Variants in ZNF226 observed in about 807,000 individuals in gnomAD.
ZNF226 encodes the protein Kruppel-associated box protein.
In ZNF226, 6 loss-of-function variants were observed where a neutral mutation model predicts 11.4. The observed-to-expected ratio is 0.53, with a 90% CI of 0.29 to 1.04. The LOEUF is 1.04. Among genes scored for constraint, ZNF226 ranks in the 50% least tolerant of loss-of-function variants. The probability of loss-of-function intolerance (pLI) is 0.08; values close to 1 mark genes in which losing one functional copy is unlikely to be tolerated. For synonymous variants in ZNF226, 350 were observed against 322.8 expected, an observed-to-expected ratio of 1.08 and a Z score of -0.90; for missense variants, 1,058 against 956.5, an observed-to-expected ratio of 1.11 and a Z score of -1.40.
chr19:44,199,421 C>T, the ZNF226 span, among the ~76,000 whole-genome samples: 1 of 152,190 alleles, frequency 6.6e-6, no homozygotes, highest in Non-Finnish European at 1.5e-5. Flanking sequence ...GTTAGATTTA[C>T]ATCATGGTGC....
chr19:44,195,320 C>T, the ZNF226 span, among the ~76,000 whole-genome samples: 46 of 152,266 alleles, frequency 3.0e-4, no homozygotes, highest in African/African-American at 1.0e-3. Flanking sequence ...GCCATAGAAG[C>T]AGAGGCCACA....
In ZNF226 at chr19:44,168,998, CTTTTTTTTTTTTTTTT is replaced by C. The variant is rs34967576; in HGVS notation, c.-46-1024_-46-1009del. On this transcript the variant is annotated intron_variant, in intron 2 of 5. Coordinates refer to ENST00000337433, the MANE Select transcript of ZNF226 (RefSeq NM_001032373.2). ...TATAGACTCAGGTTCCTCCCTTTTC[CTTTTTTTTTTTTTTTT>C]TTTTTTTTTTTTGAGACAGAGTCTC... is the stretch of plus-strand genomic sequence containing the variant. Among the ~76,000 whole-genome samples, 8 of 90,818 alleles carry C rather than the reference CTTTTTTTTTTTTTTTT, an allele frequency of 8.8e-5. No homozygotes were observed. The East Asian group carries it at 1.5e-3, about 17-fold the overall frequency. 59.6% of individuals were successfully genotyped at this position (90,818 alleles called of 152,430 possible). A position where few individuals can be genotyped will look rare whatever the true frequency, so the allele number is the denominator to read the frequency against.
At chr19:44,185,367 A>G in the ZNF226 span, among the ~76,000 whole-genome samples, 1 of 152,200 alleles carries the variant, frequency 6.6e-6, no homozygotes, top group East Asian at 1.9e-4. Context: ...CATTTCCACC[A>G]ACAGTGCACA....
At chr19:44,179,767 A>G (rs1970878445), downstream of ZNF226, among the ~76,000 whole-genome samples, 1 of 151,934 alleles carries the variant, frequency 6.6e-6, no homozygotes, top group Non-Finnish European at 1.5e-5. Flanking sequence ...AGGAAAATCG[A>G]GCTGTGGAAA....
At chr19:44,198,193 C>A in the ZNF226 span, among the ~76,000 whole-genome samples, 1 of 152,126 alleles carries the variant, frequency 6.6e-6, no homozygotes, top group Admixed American at 6.5e-5. Flanking sequence ...ATATAGCACA[C>A]TTTTAATTAC....
chr19:44,183,419 G>C, the ZNF226 span, among the ~76,000 whole-genome samples: 3 of 152,186 alleles, frequency 2.0e-5, no homozygotes, highest in African/African-American at 7.2e-5. Flanking sequence ...CTGATCCATG[G>C]AAAGAGGGCT....
In ZNF226 at chr19:44,174,819, T is replaced by G. The variant is rs556355429; in HGVS notation, c.236-679T>G. ...CCAATTTTGACTCAGTGCAAAAGCC[T>G]TAGAAGGATCCAGTGCATAGGTCTT... On this transcript the variant is annotated intron_variant, in intron 5 of 5. Transcript: ENST00000337433. 7.0e-6 allele frequency: 4 copies of G among 572,206 alleles called. No homozygotes were observed. The African/African-American group carries it at 7.7e-5, about 11-fold the overall frequency. The allele number at this position is 572,206 out of a possible 1,614,324, so 35.4% of individuals were successfully genotyped here.
chr19:44,190,560 C>T, the ZNF226 span, among the ~76,000 whole-genome samples: 1 of 152,060 alleles, frequency 6.6e-6, no homozygotes, highest in African/African-American at 2.4e-5. Context: ...TGGTCTTGAT[C>T]TCCTGACCTC....
the ZNF226 span, among the ~76,000 whole-genome samples, chr19:44,194,669 A>G: frequency 2.0e-5 from 3 of 152,288 alleles, no homozygotes; most frequent in Non-Finnish European, 4.4e-5. Context: ...GTTAACTACT[A>G]TTTTTCTGAT....
intron 2 of ZNF226, among the ~76,000 whole-genome samples, chr19:44,169,354 CG>C (rs796443902): frequency 6.6e-5 from 10 of 152,114 alleles, no homozygotes; most frequent in African/African-American, 2.4e-4. Flanking sequence ...GATTGTCAAA[CG>C]GTGTTTTTTA....
chr19:44,197,423 A>T, the ZNF226 span, among the ~76,000 whole-genome samples: 1 of 152,182 alleles, frequency 6.6e-6, no homozygotes, highest in Admixed American at 6.5e-5. Flanking sequence ...TATTTTTTAA[A>T]TTCACCATTC....
At chr19:44,177,712 T>G, downstream of ZNF226, 1 of 1,529,238 alleles carries the variant, frequency 6.5e-7, no homozygotes, top group Non-Finnish European at 8.8e-7. Context: ...ATTCTTCCAG[T>G]TATCAAGTCT....
the ZNF226 span, among the ~76,000 whole-genome samples, chr19:44,192,122 G>T: frequency 6.6e-6 from 1 of 152,166 alleles, no homozygotes; most frequent in Non-Finnish European, 1.5e-5. Flanking sequence ...AAAGAATGTG[G>T]AATTTATTGG....
At chr19:44,172,703 A>G in intron 4 of ZNF226, 157 bp from the exon 5 acceptor site, 1 of 630,822 alleles carries the variant, frequency 1.6e-6, no homozygotes, top group Non-Finnish European at 2.8e-6. Context: ...TGTCTGGGTC[A>G]TGAAATAAAT....
chr19:44,190,397 G>A, the ZNF226 span, among the ~76,000 whole-genome samples: 11 of 152,082 alleles, frequency 7.2e-5, no homozygotes, highest in Middle Eastern at 3.4e-3. Flanking sequence ...ACAGTGGCGC[G>A]ATCTCGGCTC....
At chr19:44,189,427 C>G in the ZNF226 span, among the ~76,000 whole-genome samples, 5,975 of 152,144 alleles carry the variant, frequency 0.039, 183 homozygotes, top group South Asian at 0.083. Context: ...GGAATTTATC[C>G]AGGTATGCAT....
At chr19:44,189,432 A>G in the ZNF226 span, among the ~76,000 whole-genome samples, 3 of 152,200 alleles carry the variant, frequency 2.0e-5, no homozygotes, top group Non-Finnish European at 4.4e-5. Flanking sequence ...TTATCCAGGT[A>G]TGCATGTAGT....
At chr19:44,197,498 A>G in the ZNF226 span, among the ~76,000 whole-genome samples, 1 of 152,242 alleles carries the variant, frequency 6.6e-6, no homozygotes, top group Non-Finnish European at 1.5e-5. Flanking sequence ...GGGTTGGGAC[A>G]TATTGGTCAA....
chr19:44,191,149 T>G, the ZNF226 span, among the ~76,000 whole-genome samples: 453 of 152,324 alleles, frequency 3.0e-3, 2 homozygotes, highest in African/African-American at 0.01. Flanking sequence ...TTTAGTTCAT[T>G]AATCTTGAAG....
Sources: allele counts gnomAD v4.1 joint callset (sites outside exome capture counted in the v4.1 genomes callset), GRCh38; gene constraint gnomAD v4.1.1; transcripts MANE v1.5; gene names NCBI Gene and HGNC (gene_info 2026-07-23, HGNC 2026-07-21).